TTLL6: variants seen among roughly 807,000 people sequenced by gnomAD.
TTLL6 encodes tubulin tyrosine ligase like 6.
Under a neutral mutation model 96.4 loss-of-function variants are expected in TTLL6, and 75 were observed. That is an observed-to-expected ratio of 0.78 (90% CI 0.65 to 0.94). The LOEUF (loss-of-function observed/expected upper bound fraction) is 0.94. TTLL6 is among the 40% of genes least tolerant of loss of function. The probability of loss-of-function intolerance (pLI) is 0.00; values close to 1 mark genes in which losing one functional copy is unlikely to be tolerated. For missense variants in TTLL6, 1,030 were observed against 1,093.0 expected (o/e 0.94, Z 0.81); for synonymous variants, 411 against 419.4 (o/e 0.98, Z 0.24).
At chr17:48,778,712 A>C (rs566376310) in intron 13 of TTLL6, among the ~76,000 whole-genome samples, 1 of 151,646 alleles carries the variant, frequency 6.6e-6, no homozygotes, top group Non-Finnish European at 1.5e-5. Context: ...CGGGCTGATC[A>C]TGAGGTCAGG....
At chr17:48,797,274 G>T in intron 6 of TTLL6, 70 bp from the exon 7 acceptor site, 2 of 1,468,514 alleles carry the variant, frequency 1.4e-6, no homozygotes, top group South Asian at 2.7e-5. Flanking sequence ...ACTAGCTCCC[G>T]CCTTGTTTCC....
intron 2 of TTLL6, 191 bp from the exon 3 acceptor site, chr17:48,804,119 T>G: frequency 1.6e-6 from 1 of 631,660 alleles, no homozygotes; most frequent in Non-Finnish European, 2.8e-6. Context: ...AAACATGGCA[T>G]CAGGGTACTA....
chr17:48,785,460 T>C (rs955192416), intron 12 of TTLL6, among the ~76,000 whole-genome samples: 2 of 152,172 alleles, frequency 1.3e-5, no homozygotes, highest in Non-Finnish European at 1.5e-5. Flanking sequence ...AGAGATTCCA[T>C]AGCTTTTATC....
intron 13 of TTLL6, among the ~76,000 whole-genome samples, chr17:48,781,281 A>C (rs2143285996): frequency 6.6e-6 from 1 of 152,208 alleles, no homozygotes; most frequent in Non-Finnish European, 1.5e-5. Context: ...TCCTGGCCTT[A>C]AGTGATCTGT....
At chr17:48,787,388 T>C (rs1420301203) in intron 11 of TTLL6, among the ~76,000 whole-genome samples, 2 of 152,132 alleles carry the variant, frequency 1.3e-5, no homozygotes. Context: ...ATCTGGCAAC[T>C]TTCTTTTTTT....
chr17:48,797,140 G>T lies in TTLL6; in HGVS notation c.833C>A (p.Pro278His). ...RIYVLVTSCD[P>H]LRIFVYNEGL... ...TTCATTGTACACAAAAATCCTGAGA[G>T]GGTCACAGGATGTCACCAGTACATA... The change falls in exon 7 of 16, where the codon CCT becomes CAT. Residue 278 changes from proline to histidine, a missense_variant. Physicochemically the swap from Pro to His is moderately conservative, Grantham distance 77. Transcript: ENST00000393382. 6.4e-7 allele frequency: 1 copy of T among 1,551,544 alleles called. No homozygotes were observed. The highest frequency in any genetic ancestry group is 8.7e-7 in the Non-Finnish European group (1 of 1,146,908).
chr17:48,795,461 A>C (rs547216332), intron 8 of TTLL6, among the ~76,000 whole-genome samples: 5 of 152,190 alleles, frequency 3.3e-5, no homozygotes, highest in Non-Finnish European at 7.3e-5. Context: ...TCACCTGGTC[A>C]AGTTCACATT....
At chr17:48,792,027 C>T (rs2039235604) in intron 8 of TTLL6, among the ~76,000 whole-genome samples, 1 of 152,170 alleles carries the variant, frequency 6.6e-6, no homozygotes, top group African/African-American at 2.4e-5. Context: ...GGTCCCACCT[C>T]AGCCATCTGA....
In TTLL6 at chr17:48,793,998, G is replaced by A. The variant is rs565511717; in HGVS notation, c.998+2063C>T. Among the ~76,000 whole-genome samples, 8 of 152,304 alleles carry A rather than the reference G, an allele frequency of 5.3e-5. No homozygotes were observed. In the South Asian group the frequency reaches 6.2e-4, roughly 12 times the overall value. Reference sequence around the variant, plus strand: ...TTCTGGGAAATGCTGAGTTGAAGACGTCCAGGTGGAACTGAGGAGAGATGG... The same window carrying A: ...TTCTGGGAAATGCTGAGTTGAAGACATCCAGGTGGAACTGAGGAGAGATGG... On this transcript the variant is annotated intron_variant, in intron 8 of 15. Coordinates refer to ENST00000393382, the MANE Select transcript of TTLL6 (RefSeq NM_001130918.3).
intron 1 of TTLL6, chr17:48,815,271 G>A (rs59206708): frequency 2.6e-5 from 4 of 152,004 alleles, no homozygotes; most frequent in Admixed American, 6.6e-5. Flanking sequence ...TGAAAGTTTC[G>A]CCTATTGTGT....
chr17:48,770,510 G>GTTATTA (rs145832180), intron 13 of TTLL6, among the ~76,000 whole-genome samples: 125 of 147,858 alleles, frequency 8.5e-4, no homozygotes, highest in African/African-American at 1.9e-3. Flanking sequence ...TATTGTTGTT[G>GTTATTA]TTATTATTAT....
chr17:48,771,737 A>G (rs998003051), intron 13 of TTLL6, among the ~76,000 whole-genome samples: 10 of 152,142 alleles, frequency 6.6e-5, no homozygotes, highest in African/African-American at 2.4e-4. Flanking sequence ...ACAATGAATC[A>G]CTGCATCATG....
intron 13 of TTLL6, among the ~76,000 whole-genome samples, chr17:48,784,137 G>A (rs760771151): frequency 5.9e-5 from 9 of 152,078 alleles, no homozygotes; most frequent in Middle Eastern, 3.2e-3. Context: ...AGATACACAG[G>A]GGAAGGCCAG....
chr17:48,783,569 T>C (rs1363768372), intron 13 of TTLL6, among the ~76,000 whole-genome samples: 1 of 151,942 alleles, frequency 6.6e-6, no homozygotes, highest in Non-Finnish European at 1.5e-5. Context: ...GTAGCTGAAA[T>C]TACAGGCATG....
chr17:48,785,162 A>AGTCAG lies in TTLL6; in HGVS notation c.1796_1800dup (p.Leu602ThrfsTer4), dbSNP rs2039066048. On this transcript the variant is annotated frameshift_variant, in exon 13 of 16. Coordinates refer to ENST00000393382, the MANE Select transcript of TTLL6 (RefSeq NM_001130918.3). LOFTEE classifies it high-confidence loss of function. Reference sequence around the variant, plus strand: ...CTTTCACCTCTGACACTCAAGAGCAAGTCAGGTGTGTAGGATACTAATGTC... The same window carrying AGTCAG: ...CTTTCACCTCTGACACTCAAGAGCAAGTCAGGTCAGGTGTGTAGGATACTAATGTC... The AGTCAG allele has an allele frequency of 6.2e-7, 1 of 1,614,164 alleles. No homozygotes were observed. Among genetic ancestry groups the AGTCAG allele is most frequent in the Non-Finnish European group, 8.5e-7 (1 of 1,180,038 alleles).
Position 48,785,033 on chromosome 17 carries a change from C to G in TTLL6, c.1930G>C (p.Asp644His). ...CTGCTGAGATTGATATTCCTCAGAT[C>G]GGGTAGAGAACTGAAGGGCTTCGCA... Reference protein sequence around the residue: ...TSAKPFSSLPDLRNINLSSSK... With the variant: ...TSAKPFSSLPHLRNINLSSSK... The change falls in exon 13 of 16, where the codon GAT (aspartate) becomes CAT (histidine). Residue 644 changes from aspartate (D) to histidine (H), a missense_variant. Asp to His is a moderately conservative substitution (Grantham distance 81). Coordinates refer to ENST00000393382, the MANE Select transcript of TTLL6 (RefSeq NM_001130918.3). The G allele has an allele frequency of 1.2e-6, 2 of 1,614,036 alleles. No individual in the cohort carries two copies. The highest frequency in any genetic ancestry group is 8.5e-7 in the Non-Finnish European group (1 of 1,179,968).
At chr17:48,786,041 G>C in intron 12 of TTLL6, 123 bp downstream of exon 12, 1 of 1,448,994 alleles carries the variant, frequency 6.9e-7, no homozygotes, top group Non-Finnish European at 9.3e-7. Flanking sequence ...TCGTTGCCCA[G>C]CCCTCTGCAC....
chr17:48,766,359 A>G (rs945176634), intron 15 of TTLL6, among the ~76,000 whole-genome samples: 2 of 152,196 alleles, frequency 1.3e-5, no homozygotes, highest in African/African-American at 4.8e-5. Context: ...TGGACAGACA[A>G]AAAGGACCAA....
intron 12 of TTLL6, 105 bp downstream of exon 12, chr17:48,786,059 C>T (rs536645269): frequency 9.2e-5 from 140 of 1,521,502 alleles, no homozygotes; most frequent in Non-Finnish European, 1.2e-4. Context: ...CACAGCCTTT[C>T]GGTGTGTCTG....
Sources: allele counts gnomAD v4.1 joint callset (sites outside exome capture counted in the v4.1 genomes callset), GRCh38; gene constraint gnomAD v4.1.1; transcripts MANE v1.5; gene names NCBI Gene and HGNC (gene_info 2026-07-23, HGNC 2026-07-21).